NTM: variants seen among roughly 807,000 people sequenced by gnomAD.
The protein encoded by NTM is neurotrimin.
Under a neutral mutation model 42.1 loss-of-function variants are expected in NTM, and 13 were observed. The ratio of observed to expected loss-of-function variants is 0.31; its 90% CI spans 0.20 to 0.49. NTM has a LOEUF of 0.49. Among genes scored for constraint, NTM ranks in the 20% least tolerant of loss-of-function variants. The pLI is 0.99. For missense variants in NTM, 373 were observed against 452.8 expected (o/e 0.82, Z 1.60); for synonymous variants, 187 against 179.2 (o/e 1.04, Z -0.35).
intron 2 of NTM, among the ~76,000 whole-genome samples, chr11:131,921,860 G>C (rs535288941): frequency 1.3e-5 from 2 of 151,512 alleles, no homozygotes; most frequent in Non-Finnish European, 2.9e-5. Context: ...CAGTTATCTC[G>C]ACCACCTGAG....
chr11:132,058,951 G>C (rs139613753), intron 2 of NTM, among the ~76,000 whole-genome samples: 23 of 152,342 alleles, frequency 1.5e-4, no homozygotes, highest in Admixed American at 3.9e-4. Flanking sequence ...TGAAGTAGAG[G>C]AGGAGTGAGA....
At chr11:132,112,807 G>T (rs1483643047) in intron 2 of NTM, among the ~76,000 whole-genome samples, 1 of 151,582 alleles carries the variant, frequency 6.6e-6, no homozygotes, top group Non-Finnish European at 1.5e-5. Flanking sequence ...CTGATCAAAT[G>T]CACCCCTGGG....
At chr11:131,875,632 A>G (rs2137159012) in intron 1 of NTM, among the ~76,000 whole-genome samples, 1 of 152,378 alleles carries the variant, frequency 6.6e-6, no homozygotes, top group Admixed American at 6.5e-5. Flanking sequence ...TTAAGTCACA[A>G]GAAAGCAAAA....
chr11:131,906,859 T>C (rs1209183034), intron 1 of NTM, among the ~76,000 whole-genome samples: 3 of 152,212 alleles, frequency 2.0e-5, no homozygotes, highest in Non-Finnish European at 2.9e-5. Context: ...ACCTTTGCTC[T>C]TTCTGCTGAA....
In NTM at chr11:131,495,979, C is replaced by A. The variant is rs534131021; in HGVS notation, c.82+125091C>A. Among the ~76,000 whole-genome samples, 8 of 152,224 alleles carry A rather than the reference C, an allele frequency of 5.3e-5. No individual in the cohort carries two copies. In the East Asian group the frequency reaches 7.7e-4, roughly 15 times the overall value. On this transcript the variant is annotated intron_variant, in intron 1 of 8. Transcript: ENST00000683400. ...AAAATGATTGCAAGAAATCTGAATT[C>A]TTTTCCAACTCTGCCGAACTTGAGA... is the stretch of plus-strand genomic sequence containing the variant.
intron 1 of NTM, among the ~76,000 whole-genome samples, chr11:131,711,487 G>T (rs2077125587): frequency 6.6e-6 from 1 of 152,222 alleles, no homozygotes; most frequent in Admixed American, 6.5e-5. Context: ...AACAACAGGT[G>T]CTGGAGAGGA....
intron 2 of NTM, among the ~76,000 whole-genome samples, chr11:132,136,894 A>G (rs3934806): frequency 0.62 from 94,151 of 151,774 alleles, 30,216 homozygotes; most frequent in African/African-American, 0.74. Flanking sequence ...CAGGAGTGAC[A>G]CACATGCTGG....
At chr11:131,768,937 C>T (rs756870708) in intron 1 of NTM, among the ~76,000 whole-genome samples, 15 of 152,060 alleles carry the variant, frequency 9.9e-5, no homozygotes, top group Non-Finnish European at 2.2e-4. Context: ...TGTGCAGTTG[C>T]CATTATGTTT....
intron 1 of NTM, among the ~76,000 whole-genome samples, chr11:131,773,282 G>T (rs148926765): frequency 1.4e-3 from 209 of 152,242 alleles, no homozygotes; most frequent in African/African-American, 4.7e-3. Flanking sequence ...CTTTCTGAAG[G>T]CTCTTTTGGA....
Position 132,219,058 on chromosome 11 carries a change from A to G in NTM, c.526+6911A>G, listed in dbSNP as rs2084543066. Among the ~76,000 whole-genome samples, 4 of 151,944 alleles carry G rather than the reference A, an allele frequency of 2.6e-5. No individual in the cohort carries two copies. In the South Asian group the frequency reaches 8.3e-4, roughly 32 times the overall value. Reference sequence around the variant, plus strand: ...TTTGGTTCTAGACCCCATTTTCTCCACACACCACAGTCACACTAACAACTT... The same window carrying G: ...TTTGGTTCTAGACCCCATTTTCTCCGCACACCACAGTCACACTAACAACTT... On this transcript the variant is annotated intron_variant, in intron 4 of 8. Coordinates refer to ENST00000683400, the MANE Select transcript of NTM (RefSeq NM_001352005.2).
At chr11:132,135,759 C>T (rs2067779427) in intron 2 of NTM, among the ~76,000 whole-genome samples, 1 of 152,134 alleles carries the variant, frequency 6.6e-6, no homozygotes, top group Non-Finnish European at 1.5e-5. Flanking sequence ...ATGGAAGGGG[C>T]CGAGGGGCCT....
At chr11:131,808,907 C>G (rs1455471048) in intron 1 of NTM, among the ~76,000 whole-genome samples, 1 of 152,210 alleles carries the variant, frequency 6.6e-6, no homozygotes, top group Non-Finnish European at 1.5e-5. Context: ...GCTAAAATCC[C>G]AGCTTCTTGA....
chr11:132,221,836 A>G (rs984912766), intron 4 of NTM, among the ~76,000 whole-genome samples: 14 of 152,204 alleles, frequency 9.2e-5, no homozygotes, highest in African/African-American at 3.4e-4. Flanking sequence ...ATTTGCCCAC[A>G]AATACTAAAC....
At chr11:131,488,806 A>G (rs1954467181) in intron 1 of NTM, among the ~76,000 whole-genome samples, 1 of 152,226 alleles carries the variant, frequency 6.6e-6, no homozygotes, top group Non-Finnish European at 1.5e-5. Flanking sequence ...TTCTTGGGCT[A>G]AAGAACTGTG....
chr11:131,493,474 T>C (rs1040208281), intron 1 of NTM, among the ~76,000 whole-genome samples: 4 of 152,114 alleles, frequency 2.6e-5, no homozygotes, highest in African/African-American at 9.7e-5. Context: ...TGGTGGCCAT[T>C]CATAAAGGGG....
At chr11:132,011,328 C>T (rs2072138541) in intron 2 of NTM, among the ~76,000 whole-genome samples, 1 of 152,158 alleles carries the variant, frequency 6.6e-6, no homozygotes, top group African/African-American at 2.4e-5. Context: ...GCAAATCAAC[C>T]TCTCTTTGAA....
At chr11:131,876,371 A>T (rs1035733547) in intron 1 of NTM, among the ~76,000 whole-genome samples, 9 of 152,142 alleles carry the variant, frequency 5.9e-5, no homozygotes. Context: ...GGTCTCCTCC[A>T]CTCATCTCCC....
At chr11:131,755,764 T>C (rs2083251069) in intron 1 of NTM, among the ~76,000 whole-genome samples, 1 of 152,250 alleles carries the variant, frequency 6.6e-6, no homozygotes, top group South Asian at 2.1e-4. Context: ...GAAAGTAATG[T>C]GGATTTTAGA....
intron 2 of NTM, among the ~76,000 whole-genome samples, chr11:132,129,279 T>A (rs1408757463): frequency 1.3e-5 from 2 of 152,328 alleles, no homozygotes; most frequent in Non-Finnish European, 2.9e-5. Flanking sequence ...ATTGTTACTA[T>A]TGATGCTCTA....
Sources: gnomAD v4.1 joint callset for allele counts (sites outside exome capture counted in the v4.1 genomes callset) on GRCh38, gnomAD v4.1.1 for gene constraint, MANE v1.5 for transcripts, NCBI Gene and HGNC (gene_info 2026-07-23, HGNC 2026-07-21) for gene names.